NIPBL: variants seen among roughly 807,000 people sequenced by gnomAD.
NIPBL encodes the protein NIPBL cohesin loading factor.
NIPBL carries 19 observed loss-of-function variants against 321.8 expected under a neutral mutation model. That is an observed-to-expected ratio of 0.06 (90% CI 0.04 to 0.09). The LOEUF is 0.09. Ranked by LOEUF, NIPBL falls within the 10% of genes least tolerant of loss-of-function variation. The probability of loss-of-function intolerance (pLI) is 1.00; values close to 1 mark genes in which losing one functional copy is unlikely to be tolerated. For synonymous variants in NIPBL, 1,106 were observed against 1,114.1 expected (o/e 0.99, Z 0.14); for missense variants, 2,210 against 3,327.0 (o/e 0.66, Z 8.26).
intron 21 of NIPBL, among the ~76,000 whole-genome samples, chr5:37,013,370 A>G (rs1297481402): frequency 4.0e-5 from 6 of 149,862 alleles, no homozygotes; most frequent in Admixed American, 1.3e-4. Context: ...TCCCTTCCGG[A>G]CGAGGTGGCT....
chr5:36,880,631 T>A (rs1745431859), intron 1 of NIPBL, among the ~76,000 whole-genome samples: 1 of 152,064 alleles, frequency 6.6e-6, no homozygotes, highest in Non-Finnish European at 1.5e-5. Flanking sequence ...TGAACATGCT[T>A]ATTTTAATAT....
intron 33 of NIPBL, among the ~76,000 whole-genome samples, chr5:37,037,984 C>CTTT (rs34425779): frequency 8.6e-6 from 1 of 116,218 alleles, no homozygotes; most frequent in Non-Finnish European, 1.7e-5. Context: ...TATTCACTTC[C>CTTT]TTTTTTTTTT....
intron 32 of NIPBL, among the ~76,000 whole-genome samples, chr5:37,033,204 G>A (rs780924589): frequency 3.9e-5 from 6 of 151,962 alleles, no homozygotes; most frequent in Non-Finnish European, 8.8e-5. Flanking sequence ...TGCAAAATGG[G>A]AAACTGTGAG....
At chr5:36,937,668 A>G (rs968749316) in intron 1 of NIPBL, among the ~76,000 whole-genome samples, 4 of 152,102 alleles carry the variant, frequency 2.6e-5, no homozygotes, top group Admixed American at 6.6e-5. Flanking sequence ...AGGACTTACT[A>G]GTGAAATTAC....
chr5:36,929,872 G>T (rs879783018), intron 1 of NIPBL, among the ~76,000 whole-genome samples: 4 of 151,912 alleles, frequency 2.6e-5, no homozygotes, highest in Admixed American at 6.6e-5. Flanking sequence ...GGGCATCTTT[G>T]TGAAAAATCT....
chr5:36,879,395 A>T (rs1337521512), intron 1 of NIPBL, among the ~76,000 whole-genome samples: 1 of 152,236 alleles, frequency 6.6e-6, no homozygotes, highest in Non-Finnish European at 1.5e-5. Context: ...AGGTTGTGTG[A>T]TAGCTTTCAT....
In NIPBL at chr5:36,995,624, A is replaced by G. The variant is rs746847096; in HGVS notation, c.3124A>G (p.Ser1042Gly). 5.0e-6 allele frequency: 8 copies of G among 1,604,416 alleles called. No individual in the cohort carries two copies. In the Admixed American group the frequency reaches 1.3e-4, roughly 27 times the overall value. Residue 1042 changes from serine to glycine, a missense_variant and splice_region_variant, in exon 11 of 47, where the codon AGT becomes GGT. Ser to Gly is a moderately conservative substitution (Grantham distance 56). This residue lies in a region of NIPBL where 381 missense variants were observed against 642.3 expected (regional missense o/e 0.59). Transcript: ENST00000282516. Reference protein sequence around the residue: ...KNKPSKSNKGSIDQSVLKELP... With the variant: ...KNKPSKSNKGGIDQSVLKELP... ...TTAAATTTACCTTTCATTAATAGGT[A>G]GTATAGATCAATCAGTGTTAAAAGA... is the stretch of plus-strand genomic sequence containing the variant.
chr5:36,906,732 A>G (rs564899668), intron 1 of NIPBL, among the ~76,000 whole-genome samples: 1 of 152,290 alleles, frequency 6.6e-6, no homozygotes, highest in East Asian at 1.9e-4. Context: ...AGAAGATATA[A>G]TTAATACTTG....
chr5:36,877,112 C>T lies in NIPBL; in HGVS notation c.-146C>T. The T allele has an allele frequency of 2.9e-6, 1 of 347,666 alleles. No individual in the cohort carries two copies. Among genetic ancestry groups the T allele is most frequent in the Non-Finnish European group, 5.1e-6 (1 of 194,774 alleles). The allele number at this position is 347,666 out of a possible 1,614,324, so 21.5% of individuals were successfully genotyped here. ...GAGCCGTAGCCACCCCCCCTCCCGG[C>T]CCGGATTATAGTCTCTCGCCACAGC... On this transcript the variant is annotated 5_prime_UTR_variant, in exon 1 of 47. Transcript: ENST00000282516.
chr5:36,941,195 G>A (rs1739022471), intron 1 of NIPBL, among the ~76,000 whole-genome samples: 1 of 152,084 alleles, frequency 6.6e-6, no homozygotes, highest in African/African-American at 2.4e-5. Context: ...ACTCCTTCAA[G>A]TTCAGGCAAT....
chr5:36,971,120 G>A, intron 7 of NIPBL, 84 bp downstream of exon 7: 3 of 1,063,210 alleles, frequency 2.8e-6, no homozygotes, highest in Non-Finnish European at 4.3e-6. Context: ...AAATTTGAAT[G>A]ATACCTACCG....
Position 36,953,735 on chromosome 5 carries a change from T to C in NIPBL, c.39T>C (p.Leu13=), listed in dbSNP as rs1740650095. The change falls in exon 2 of 47, where the codon CTT becomes CTC. Residue 13 remains leucine (L), a synonymous_variant. Coordinates refer to ENST00000282516, the MANE Select transcript of NIPBL (RefSeq NM_133433.4). ...GDMPHVPITT[L]AGIASLTDLL... is the part of the protein sequence containing the mutation. ...TGCCCCATGTCCCCATTACTACTCT[T>C]GCGGGGATTGCTAGTCTCACAGACC... The C allele has an allele frequency of 5.6e-6, 9 of 1,613,870 alleles. No individual in the cohort carries two copies. Among genetic ancestry groups the C allele is most frequent in the Non-Finnish European group, 7.6e-6 (9 of 1,179,738 alleles).
chr5:36,894,354 A>G (rs748151588), intron 1 of NIPBL, among the ~76,000 whole-genome samples: 9 of 152,206 alleles, frequency 5.9e-5, no homozygotes, highest in African/African-American at 7.2e-5. Context: ...CTCTATTTAT[A>G]TGAGAAGTTT....
intron 1 of NIPBL, among the ~76,000 whole-genome samples, chr5:36,943,667 A>G (rs1488020638): frequency 6.6e-6 from 1 of 152,152 alleles, no homozygotes; most frequent in African/African-American, 2.4e-5. Context: ...TCAGATTTAG[A>G]GATACAAATT....
intron 45 of NIPBL, among the ~76,000 whole-genome samples, chr5:37,063,190 T>C (rs916651381): frequency 6.6e-6 from 1 of 152,156 alleles, no homozygotes; most frequent in South Asian, 2.1e-4. Flanking sequence ...CTTAAAAAAA[T>C]TTTTAAAAAT....
intron 1 of NIPBL, among the ~76,000 whole-genome samples, chr5:36,906,052 T>C (rs1326927433): frequency 2.6e-5 from 4 of 151,956 alleles, no homozygotes; most frequent in Non-Finnish European, 5.9e-5. Context: ...CCCTGAAAAG[T>C]ATATTAATGG....
At chr5:37,023,712 G>C (rs1308730706) in intron 29 of NIPBL, among the ~76,000 whole-genome samples, 2 of 147,810 alleles carry the variant, frequency 1.4e-5, no homozygotes, top group African/African-American at 5.0e-5. Context: ...CATTGCATTT[G>C]GGGGTCATGT....
Position 36,985,145 on chromosome 5 carries a change from G to C in NIPBL, c.1965G>C (p.Glu655Asp), listed in dbSNP as rs80358350. The C allele has an allele frequency of 3.7e-6, 6 of 1,613,842 alleles. No individual in the cohort carries two copies. The highest frequency in any genetic ancestry group is 5.1e-6 in the Non-Finnish European group (6 of 1,179,910). Residue 655 changes from glutamate (E) to aspartate (D), a missense_variant, in exon 10 of 47, where the codon GAG becomes GAC. Glu to Asp is a conservative substitution (Grantham distance 45, BLOSUM62 2). Coordinates refer to ENST00000282516, the MANE Select transcript of NIPBL (RefSeq NM_133433.4). ...AAACAGAAGAACTTAAACAGAATGA[G>C]AGCAGAACAACTGAATGCAAACAAA... ...ETQTEELKQN[E>D]SRTTECKQNE... is the part of the protein sequence containing the mutation.
At chr5:37,032,419 G>A (rs1250139774) in intron 32 of NIPBL, among the ~76,000 whole-genome samples, 1 of 150,116 alleles carries the variant, frequency 6.7e-6, no homozygotes, top group Non-Finnish European at 1.5e-5. Flanking sequence ...GTGTGTGTGT[G>A]TGTGTGTGTG....
Sources: allele counts gnomAD v4.1 joint callset (sites outside exome capture counted in the v4.1 genomes callset), GRCh38; gene constraint gnomAD v4.1.1; regional missense constraint gnomAD v4.1.1; transcripts MANE v1.5; gene names NCBI Gene and HGNC (gene_info 2026-07-23, HGNC 2026-07-21).